MYT1L: variants seen among roughly 807,000 people sequenced by gnomAD.
MYT1L encodes the protein myelin transcription factor 1 like.
In MYT1L, 12 loss-of-function variants were observed where a neutral mutation model predicts 126.7. The observed-to-expected ratio is 0.09, with a 90% confidence interval of 0.06 to 0.15. The LOEUF is 0.15. Among genes scored for constraint, MYT1L ranks in the 10% least tolerant of loss-of-function variants. The pLI is 1.00. For missense variants in MYT1L, 979 were observed against 1,585.2 expected (o/e 0.62, Z 6.49); for synonymous variants, 541 against 604.2 (o/e 0.90, Z 1.53).
chr2:1,990,944 G>A (rs747465637), intron 5 of MYT1L, among the ~76,000 whole-genome samples: 8 of 152,212 alleles, frequency 5.3e-5, no homozygotes, highest in Non-Finnish European at 1.0e-4. Context: ...GGCCATCTGG[G>A]TCCTCCTGCC....
chr2:1,960,049 G>A (rs1164223960), intron 8 of MYT1L, among the ~76,000 whole-genome samples: 2 of 152,180 alleles, frequency 1.3e-5, no homozygotes, highest in Non-Finnish European at 2.9e-5. Context: ...GCCCCCATGA[G>A]CTGTATTGTA....
intron 8 of MYT1L, among the ~76,000 whole-genome samples, chr2:1,964,822 G>A (rs966170857): frequency 7.4e-4 from 113 of 152,230 alleles, no homozygotes; most frequent in African/African-American, 2.2e-3. Flanking sequence ...CTGTGCTTCC[G>A]GAAAGGCTTC....
At position 1,979,302 on chromosome 2, in the gene MYT1L, A is replaced by G; in HGVS notation, c.90-75T>C. 2 of 1,374,720 alleles carry G rather than the reference A, an allele frequency of 1.5e-6. No homozygotes were observed. The highest frequency in any genetic ancestry group is 4.7e-5 in the East Asian group (2 of 42,962). The allele number at this position is 1,374,720 out of a possible 1,614,324, so 85.2% of individuals were successfully genotyped here. A position where few individuals can be genotyped will look rare whatever the true frequency, so the allele number is the denominator to read the frequency against. ...ACGGAAAGCTTCCGTGGCAGCAGAG[A>G]GAAGGAGGGCGGCTCAGACAGAGGA... On this transcript the variant is annotated intron_variant, in intron 7 of 24. Coordinates refer to ENST00000647738, the MANE Select transcript of MYT1L (RefSeq NM_001303052.2). The surrounding 1 kb of genome is among the most constrained non-coding windows in gnomAD (Gnocchi z 4.0).
intron 3 of MYT1L, among the ~76,000 whole-genome samples, chr2:2,075,370 C>T (rs2075098337): frequency 6.6e-6 from 1 of 152,188 alleles, no homozygotes; most frequent in East Asian, 1.9e-4. Context: ...ATCTGACACC[C>T]TCACCATGTG....
intron 18 of MYT1L, among the ~76,000 whole-genome samples, chr2:1,861,061 A>G (rs1358935629): frequency 6.6e-6 from 1 of 152,158 alleles, no homozygotes; most frequent in African/African-American, 2.4e-5. Flanking sequence ...GACAATGGCC[A>G]AAAACTCAAC....
chr2:2,246,960 C>T (rs1234686661), intron 2 of MYT1L, among the ~76,000 whole-genome samples: 4 of 152,050 alleles, frequency 2.6e-5, no homozygotes, highest in South Asian at 2.1e-4. Flanking sequence ...TGGACAATTC[C>T]GTAGACTTCA....
chr2:2,179,074 C>T (rs577301207), intron 2 of MYT1L, among the ~76,000 whole-genome samples: 9 of 152,260 alleles, frequency 5.9e-5, no homozygotes, highest in African/African-American at 1.9e-4. Flanking sequence ...TCTGGGAGCC[C>T]TTGAGCATAG....
At position 1,812,975 on chromosome 2, in the gene MYT1L, C is replaced by G. The variant is rs528646576; in HGVS notation, c.3081-3808G>C. Among the ~76,000 whole-genome samples, 21 of 151,948 alleles carry G rather than the reference C, an allele frequency of 1.4e-4. No individual in the cohort carries two copies. In the South Asian group the frequency reaches 4.4e-3, roughly 32 times the overall value. On this transcript the variant is annotated intron_variant, in intron 21 of 24. Coordinates refer to ENST00000647738, the MANE Select transcript of MYT1L (RefSeq NM_001303052.2). The stretch of plus-strand genomic sequence containing the variant: ...AGGGCCTCCTGCAGAGGTCCTAAGA[C>G]TGTGACTGTAGGACAAGGGTGACGC...
At chr2:2,120,531 T>C (rs529946160) in intron 3 of MYT1L, among the ~76,000 whole-genome samples, 9 of 152,120 alleles carry the variant, frequency 5.9e-5, no homozygotes, top group Middle Eastern at 3.4e-3. Flanking sequence ...GTTCTCCATC[T>C]CACTCTTTTA....
Position 1,917,464 on chromosome 2 carries a change from G to A in MYT1L, c.1484-125C>T. 8.8e-7 allele frequency: 1 copy of A among 1,141,054 alleles called. No homozygotes were observed. The highest frequency in any genetic ancestry group is 1.2e-6 in the Non-Finnish European group (1 of 805,510). The allele number at this position is 1,141,054 out of a possible 1,614,324, so 70.7% of individuals were successfully genotyped here. A position where few individuals can be genotyped will look rare whatever the true frequency, so the allele number is the denominator to read the frequency against. ...AAGCAGGTGTCGGGGGCTAGGCTGTGACATCAGACTTTTGCTTAGATAGTT... is the reference window on the plus strand; with the variant it reads ...AAGCAGGTGTCGGGGGCTAGGCTGTAACATCAGACTTTTGCTTAGATAGTT... On this transcript the variant is annotated intron_variant, in intron 10 of 24. Transcript: ENST00000647738. The surrounding 1 kb of genome is among the most constrained non-coding windows in gnomAD (Gnocchi z 5.9).
chr2:1,992,227 A>G (rs1323048014), intron 5 of MYT1L, among the ~76,000 whole-genome samples: 1 of 152,182 alleles, frequency 6.6e-6, no homozygotes, highest in Non-Finnish European at 1.5e-5. Flanking sequence ...CACGTTCTCC[A>G]TAGTTAGTTC....
chr2:2,243,608 A>C (rs2149160798), intron 2 of MYT1L, among the ~76,000 whole-genome samples: 1 of 152,336 alleles, frequency 6.6e-6, no homozygotes, highest in Non-Finnish European at 1.5e-5. Context: ...AATAAACACC[A>C]GGGGCCCTGC....
chr2:2,008,397 TACAATG>T (rs1197414729), intron 4 of MYT1L, among the ~76,000 whole-genome samples: 1 of 152,260 alleles, frequency 6.6e-6, no homozygotes, highest in African/African-American at 2.4e-5. Flanking sequence ...GCCAGGAGGT[TACAATG>T]ATGGCTTTAT....
intron 14 of MYT1L, among the ~76,000 whole-genome samples, chr2:1,897,693 C>A (rs2049787467): frequency 6.6e-6 from 1 of 152,182 alleles, no homozygotes; most frequent in Non-Finnish European, 1.5e-5. Context: ...AAACTCCTGA[C>A]TTCAGGTGAT....
At chr2:2,086,720 G>C (rs978315877) in intron 3 of MYT1L, among the ~76,000 whole-genome samples, 1 of 152,180 alleles carries the variant, frequency 6.6e-6, no homozygotes, top group Non-Finnish European at 1.5e-5. Context: ...GCTCTCTGCT[G>C]ATTGGATCTC....
chr2:2,328,522 C>CTT (rs1573631399), intron 1 of MYT1L, among the ~76,000 whole-genome samples: 1 of 152,246 alleles, frequency 6.6e-6, no homozygotes, highest in African/African-American at 2.4e-5. Context: ...ATCATTGGGC[C>CTT]TTTACCTTGA....
At chr2:1,797,874 TCCGGCACAGGCGCGGCGGTCTCCCC>T (rs1558583297) in intron 23 of MYT1L, among the ~76,000 whole-genome samples, 1 of 127,678 alleles carries the variant, frequency 7.8e-6, no homozygotes, top group African/African-American at 3.2e-5. Flanking sequence ...TCTCCCCCCA[TCCGGCACAGGCGCGGCGGTCTCCCC>T]CTTCTCCGGC....
intron 3 of MYT1L, 85 bp downstream of exon 3, chr2:2,172,787 G>C (rs1325594162): frequency 6.6e-6 from 1 of 150,774 alleles, no homozygotes; most frequent in East Asian, 2.0e-4. Flanking sequence ...GCTGGGCAGG[G>C]GTACCTGCAC....
At chr2:2,326,511 T>G (rs922548262) in intron 1 of MYT1L, 14 of 152,110 alleles carry the variant, frequency 9.2e-5, no homozygotes, top group African/African-American at 3.4e-4. Context: ...TCCTGTACCA[T>G]TCCATCTTCT....
Sources: allele counts gnomAD v4.1 joint callset (sites outside exome capture counted in the v4.1 genomes callset), GRCh38; gene constraint gnomAD v4.1.1; non-coding constraint Gnocchi (gnomAD v3.1); transcripts MANE v1.5; gene names NCBI Gene and HGNC (gene_info 2026-07-23, HGNC 2026-07-21).